ADGRL2: variants seen among roughly 807,000 people sequenced by gnomAD.
ADGRL2 encodes the protein adhesion G protein-coupled receptor L2.
Under a neutral mutation model 157.4 loss-of-function variants are expected in ADGRL2, and 44 were observed. The ratio of observed to expected loss-of-function variants is 0.28; its 90% confidence interval spans 0.22 to 0.36. ADGRL2 has a LOEUF of 0.36. Among genes scored for constraint, ADGRL2 ranks in the 10% least tolerant of loss-of-function variants. The pLI, the probability that ADGRL2 is intolerant of heterozygous loss-of-function variation, is 1.00. For synonymous variants in ADGRL2, 585 were observed against 624.7 expected (o/e 0.94, Z 0.95); for missense variants, 1,510 against 1,768.9 (o/e 0.85, Z 2.63).
intron 2 of ADGRL2, among the ~76,000 whole-genome samples, chr1:81,765,247 C>T (rs10874267): frequency 0.31 from 47,773 of 151,796 alleles, 8,703 homozygotes; most frequent in East Asian, 0.77. Flanking sequence ...ATTTGTTATA[C>T]TGGGAAATCA....
chr1:81,417,740 G>A (rs1391732312), intron 1 of ADGRL2, among the ~76,000 whole-genome samples: 4 of 152,130 alleles, frequency 2.6e-5, no homozygotes, highest in South Asian at 4.1e-4. Context: ...AAGGTTGGTA[G>A]GTCATTTCTT....
At chr1:81,806,261 A>G (rs149300229) in intron 1 of ADGRL2, among the ~76,000 whole-genome samples, 1 of 152,168 alleles carries the variant, frequency 6.6e-6, no homozygotes, top group Non-Finnish European at 1.5e-5. Context: ...AAACTTCCAA[A>G]TGTTATAAAA....
chr1:81,565,134 A>G (rs1570518525), intron 2 of ADGRL2, among the ~76,000 whole-genome samples: 1 of 152,168 alleles, frequency 6.6e-6, no homozygotes, highest in African/African-American at 2.4e-5. Context: ...CTCAAAGACA[A>G]CAGCTGTTTG....
intron 1 of ADGRL2, among the ~76,000 whole-genome samples, chr1:81,809,075 C>G (rs1224951046): frequency 6.6e-6 from 1 of 151,994 alleles, no homozygotes; most frequent in Non-Finnish European, 1.5e-5. Flanking sequence ...CACGACCTGA[C>G]AAGAAAACGT....
At chr1:81,357,975 A>T (rs923753928) in intron 1 of ADGRL2, among the ~76,000 whole-genome samples, 1 of 152,252 alleles carries the variant, frequency 6.6e-6, no homozygotes, top group Non-Finnish European at 1.5e-5. Context: ...TGTTATAAGA[A>T]TATGGGGGTA....
chr1:81,364,687 A>T (rs2100937884), intron 1 of ADGRL2, among the ~76,000 whole-genome samples: 1 of 151,758 alleles, frequency 6.6e-6, no homozygotes, highest in Admixed American at 6.6e-5. Context: ...GAACAATAGG[A>T]TATTGGTAAT....
At chr1:81,439,462 C>G (rs900421724) in intron 1 of ADGRL2, among the ~76,000 whole-genome samples, 1 of 152,272 alleles carries the variant, frequency 6.6e-6, no homozygotes, top group African/African-American at 2.4e-5. Context: ...TTTCTCAGCC[C>G]CTTCACTGGA....
At chr1:81,438,659 T>A (rs1193456269) in intron 1 of ADGRL2, among the ~76,000 whole-genome samples, 1 of 152,200 alleles carries the variant, frequency 6.6e-6, no homozygotes, top group African/African-American at 2.4e-5. Flanking sequence ...AGCCCAGCCC[T>A]GGACGGTAAC....
At chr1:81,425,143 G>T (rs948238810) in intron 1 of ADGRL2, among the ~76,000 whole-genome samples, 15 of 152,158 alleles carry the variant, frequency 9.9e-5, no homozygotes, top group African/African-American at 3.1e-4. Flanking sequence ...GAGAATAAAA[G>T]AAAGAAATTT....
intron 2 of ADGRL2, among the ~76,000 whole-genome samples, chr1:81,484,736 A>G (rs546900383): frequency 6.6e-6 from 1 of 151,206 alleles, no homozygotes; most frequent in Non-Finnish European, 1.5e-5. Flanking sequence ...TTAGAAGGGC[A>G]TTCTATTACA....
At chr1:81,789,003 A>G (rs1157659108) in intron 2 of ADGRL2, among the ~76,000 whole-genome samples, 3 of 152,200 alleles carry the variant, frequency 2.0e-5, no homozygotes, top group Non-Finnish European at 4.4e-5. Flanking sequence ...GGGGTGAGCC[A>G]CTGCGCCTGG....
chr1:81,666,096 C>A (rs1240183815), intron 3 of ADGRL2, among the ~76,000 whole-genome samples: 2 of 152,182 alleles, frequency 1.3e-5, no homozygotes, highest in Non-Finnish European at 2.9e-5. Context: ...GCCAAAATGT[C>A]ATGTGTCCTT....
intron 2 of ADGRL2, among the ~76,000 whole-genome samples, chr1:81,564,621 T>C (rs2080517370): frequency 1.3e-5 from 2 of 152,132 alleles, no homozygotes; most frequent in Non-Finnish European, 2.9e-5. Flanking sequence ...CCAGAGTCTT[T>C]TTATAGTCTT....
intron 1 of ADGRL2, among the ~76,000 whole-genome samples, chr1:81,834,286 T>C (rs2092144731): frequency 6.6e-6 from 1 of 152,174 alleles, no homozygotes; most frequent in Non-Finnish European, 1.5e-5. Context: ...TCTTTTCTGT[T>C]TGTTGAAAGG....
At chr1:81,467,053 A>G (rs1356389162) in intron 2 of ADGRL2, among the ~76,000 whole-genome samples, 1 of 151,942 alleles carries the variant, frequency 6.6e-6, no homozygotes, top group Non-Finnish European at 1.5e-5. Flanking sequence ...AGTTAAAAAA[A>G]AAAAAAGAAA....
At chr1:81,985,815 A>G (rs983837085) in intron 21 of ADGRL2, among the ~76,000 whole-genome samples, 2 of 152,022 alleles carry the variant, frequency 1.3e-5, no homozygotes, top group Non-Finnish European at 1.5e-5. Flanking sequence ...AAAATATGCT[A>G]GGAAATGAAG....
chr1:81,350,835 G>A (rs778271796), intron 1 of ADGRL2, among the ~76,000 whole-genome samples: 3 of 152,050 alleles, frequency 2.0e-5, no homozygotes, highest in Admixed American at 6.6e-5. Flanking sequence ...TGACATTATC[G>A]CAATAGCATG....
At chr1:81,838,945 G>T (rs1259290419) in intron 2 of ADGRL2, among the ~76,000 whole-genome samples, 2 of 151,776 alleles carry the variant, frequency 1.3e-5, no homozygotes, top group East Asian at 1.9e-4. Flanking sequence ...ACTGCTAATT[G>T]TAAGAGTATA....
At chr1:81,638,499 C>A (rs567347890) in intron 3 of ADGRL2, among the ~76,000 whole-genome samples, 29 of 151,770 alleles carry the variant, frequency 1.9e-4, no homozygotes, top group Non-Finnish European at 8.8e-5. Flanking sequence ...TGTATAAGTG[C>A]GATAAATAAC....
Sources: gnomAD v4.1 joint callset for allele counts (sites outside exome capture counted in the v4.1 genomes callset) on GRCh38, gnomAD v4.1.1 for gene constraint, MANE v1.5 for transcripts, NCBI Gene and HGNC (gene_info 2026-07-23, HGNC 2026-07-21) for gene names.